Variants in PTPRD observed in about 807,000 individuals in gnomAD.
PTPRD encodes protein tyrosine phosphatase receptor type D, also known as receptor-type tyrosine-protein phosphatase delta.
A neutral mutation model predicts 214.5 loss-of-function variants in PTPRD; 34 were observed. The ratio of observed to expected loss-of-function variants is 0.16; its 90% CI spans 0.12 to 0.21. The LOEUF (loss-of-function observed/expected upper bound fraction) is 0.21, where lower values mean the gene tolerates loss of function less well. Among genes scored for constraint, PTPRD ranks in the 10% least tolerant of loss-of-function variants. The pLI is 1.00. For missense variants in PTPRD, 2,545 were observed against 2,398.7 expected, an observed-to-expected ratio of 1.06 and a Z score of -1.27; for synonymous variants, 1,128 against 845.7, an observed-to-expected ratio of 1.33 and a Z score of -5.79.
chr9:9,406,345 T>C lies in PTPRD; in HGVS notation c.-236-8863A>G, dbSNP rs1487372856. On this transcript the variant is annotated intron_variant, in intron 8 of 45. Transcript: ENST00000381196. Reference sequence around the variant, plus strand: ...AGAACATTAAGCTTGAAGTAAACACTAAGCTGAAGTTCTATTCCATGAAGT... The same window carrying C: ...AGAACATTAAGCTTGAAGTAAACACCAAGCTGAAGTTCTATTCCATGAAGT... Among the ~76,000 whole-genome samples, 3 of 152,056 alleles carry C rather than the reference T, an allele frequency of 2.0e-5. No homozygotes were observed. In the East Asian group the frequency reaches 5.8e-4, roughly 29 times the overall value.
At chr9:10,382,021 T>C (rs1429590881) in intron 2 of PTPRD, among the ~76,000 whole-genome samples, 1 of 151,964 alleles carries the variant, frequency 6.6e-6, no homozygotes, top group Non-Finnish European at 1.5e-5. Context: ...AAACTGAACC[T>C]TTCTTACATC....
intron 3 of PTPRD, among the ~76,000 whole-genome samples, chr9:10,174,706 T>C (rs1442787171): frequency 6.6e-6 from 1 of 151,978 alleles, no homozygotes; most frequent in Non-Finnish European, 1.5e-5. Context: ...TGCATATATA[T>C]ACATATATAT....
rs1484516339 is a variant in PTPRD at position 9,108,722 on chromosome 9, T to G, written c.-143+74582A>C. On this transcript the variant is annotated intron_variant, in intron 10 of 45. Coordinates refer to ENST00000381196, the MANE Select transcript of PTPRD (RefSeq NM_002839.4). ...TTGACCAGACCAAGTCACCAATGACTGCCTAACTGCAAGGGGACTATAAAT... is the reference window on the plus strand; with the variant it reads ...TTGACCAGACCAAGTCACCAATGACGGCCTAACTGCAAGGGGACTATAAAT... Among the ~76,000 whole-genome samples the G allele has an allele frequency of 2.0e-5, 3 of 152,294 alleles. No homozygotes were observed. In the East Asian group the frequency reaches 5.8e-4, roughly 29 times the overall value.
intron 3 of PTPRD, among the ~76,000 whole-genome samples, chr9:10,311,081 C>A (rs147042388): frequency 6.6e-6 from 1 of 151,724 alleles, no homozygotes. Context: ...ATTTATATAC[C>A]GATTTTTTTT....
rs142422593 is a variant in PTPRD, at chr9:9,178,183, C to CTG, written c.-143+5119_-143+5120dup. The stretch of plus-strand genomic sequence containing the variant: ...CTTAGTTTAATCAGAGTGTGGCTGA[C>CTG]TGTGTGTGTGTGTGTCTCAGGAAAG... On this transcript the variant is annotated intron_variant, in intron 10 of 45. Transcript: ENST00000381196. 1.8e-3 allele frequency among the ~76,000 whole-genome samples: 272 copies of CTG among 151,492 alleles called. 1 individual carries two copies. The highest frequency in any genetic ancestry group is 0.014 in the Middle Eastern group (4 of 292).
chr9:10,461,849 T>A lies in PTPRD; in HGVS notation c.-599-120832A>T, dbSNP rs372921308. 1.4e-4 allele frequency among the ~76,000 whole-genome samples: 21 copies of A among 152,260 alleles called. No individual in the cohort carries two copies. The East Asian group carries it at 1.7e-3, about 13-fold the overall frequency. ...GTTGGCCAGGCTGGTCTCGAGCTCC[T>A]GACCTCAGGTAATCCGCCCGCCCCA... On this transcript the variant is annotated intron_variant, in intron 2 of 45. Coordinates refer to ENST00000381196, the MANE Select transcript of PTPRD (RefSeq NM_002839.4).
rs545992647 is a variant in PTPRD at position 10,357,261 on chromosome 9, A to AT, written c.-599-16245dup. On this transcript the variant is annotated intron_variant, in intron 2 of 45. Coordinates refer to ENST00000381196, the MANE Select transcript of PTPRD (RefSeq NM_002839.4). Reference sequence around the variant, plus strand: ...CTGCTTAAGGGTGTGTTTATATTAGATTTTTCTGTGTTTGATTTGATTTAA... The same window carrying AT: ...CTGCTTAAGGGTGTGTTTATATTAGATTTTTTCTGTGTTTGATTTGATTTAA... Among the ~76,000 whole-genome samples the AT allele has an allele frequency of 6.0e-4, 91 of 152,232 alleles. 1 individual carries two copies. The South Asian group carries it at 0.016, about 27-fold the overall frequency.
At chr9:9,817,797 T>C (rs1251168950) in intron 5 of PTPRD, among the ~76,000 whole-genome samples, 1 of 152,164 alleles carries the variant, frequency 6.6e-6, no homozygotes, top group Non-Finnish European at 1.5e-5. Context: ...TGTCAAAAAG[T>C]CACAGGCTTT....
intron 10 of PTPRD, among the ~76,000 whole-genome samples, chr9:9,031,921 C>T (rs1488086873): frequency 6.6e-6 from 1 of 151,936 alleles, no homozygotes; most frequent in Non-Finnish European, 1.5e-5. Flanking sequence ...GGAAGACTAC[C>T]TATTGGTCTT....
At chr9:9,831,849 C>A (rs1390623396) in intron 5 of PTPRD, among the ~76,000 whole-genome samples, 1 of 151,928 alleles carries the variant, frequency 6.6e-6, no homozygotes, top group African/African-American at 2.4e-5. Context: ...GATACATTTG[C>A]CAGAGTTTCT....
At chr9:9,002,433 A>G (rs1006564654) in intron 11 of PTPRD, among the ~76,000 whole-genome samples, 4 of 152,036 alleles carry the variant, frequency 2.6e-5, no homozygotes, top group African/African-American at 9.7e-5. Context: ...ATACACCACT[A>G]TTAGTGAAAA....
intron 6 of PTPRD, among the ~76,000 whole-genome samples, chr9:9,738,538 G>A (rs1271877013): frequency 7.1e-6 from 1 of 140,762 alleles, no homozygotes; most frequent in Non-Finnish European, 1.5e-5. Flanking sequence ...CTGCCTCCTG[G>A]GTTCAAGTGA....
At chr9:10,550,537 C>T (rs2061093458) in intron 2 of PTPRD, among the ~76,000 whole-genome samples, 2 of 152,078 alleles carry the variant, frequency 1.3e-5, no homozygotes, top group African/African-American at 4.8e-5. Context: ...TCTGAGGAGT[C>T]CTGTAGAACC....
chr9:9,033,696 C>T (rs952677709), intron 10 of PTPRD, among the ~76,000 whole-genome samples: 8 of 152,064 alleles, frequency 5.3e-5, no homozygotes, highest in Non-Finnish European at 1.0e-4. Context: ...CTTTCTCTGT[C>T]TCTCTCTATC....
At chr9:8,536,883 G>A (rs186622016) in intron 14 of PTPRD, among the ~76,000 whole-genome samples, 161 of 152,004 alleles carry the variant, frequency 1.1e-3, no homozygotes, top group Non-Finnish European at 1.8e-3. Flanking sequence ...GGAAGGCAGA[G>A]GATTATCATA....
chr9:9,759,296 G>A (rs182153022), intron 6 of PTPRD, among the ~76,000 whole-genome samples: 5 of 152,026 alleles, frequency 3.3e-5, no homozygotes, highest in Admixed American at 3.3e-4. Context: ...TGTACCATTG[G>A]TAAACTGGCA....
At chr9:8,375,538 AT>A (rs375738427) in intron 39 of PTPRD, among the ~76,000 whole-genome samples, 2,673 of 152,048 alleles carry the variant, frequency 0.018, 93 homozygotes, top group African/African-American at 0.06. Flanking sequence ...TTGTTCAGTA[AT>A]TTTTTTCCCC....
intron 14 of PTPRD, among the ~76,000 whole-genome samples, chr9:8,621,476 T>A (rs541885130): frequency 6.6e-6 from 1 of 151,980 alleles, no homozygotes; most frequent in East Asian, 1.9e-4. Flanking sequence ...CAAACCCCAG[T>A]CGTACTGGGC....
Position 8,733,908 on chromosome 9 carries a change from C to A in PTPRD, c.-65G>T, listed in dbSNP as rs867786809. On this transcript the variant is annotated 5_prime_UTR_variant, in exon 12 of 46. Coordinates refer to ENST00000381196, the MANE Select transcript of PTPRD (RefSeq NM_002839.4). ...CACTGCCTCCGGAGCCGCAGCGAGT[C>A]TGTCCGATCTGAAATTTCAGCTGGA... 2 of 1,481,192 alleles carry A rather than the reference C, an allele frequency of 1.4e-6. No individual in the cohort carries two copies. Among genetic ancestry groups the A allele is most frequent in the Middle Eastern group, 2.2e-4 (1 of 4,524 alleles). The allele number at this position is 1,481,192 out of a possible 1,614,324, so 91.8% of individuals were successfully genotyped here.
Sources: allele counts gnomAD v4.1 joint callset (sites outside exome capture counted in the v4.1 genomes callset), GRCh38; gene constraint gnomAD v4.1.1; transcripts MANE v1.5; gene names NCBI Gene and HGNC (gene_info 2026-07-23, HGNC 2026-07-21).